VAMP5: variants seen among roughly 807,000 people sequenced by gnomAD.
VAMP5 encodes the protein vesicle-associated membrane protein 5.
VAMP5 carries 10 observed loss-of-function variants against 8.1 expected under a neutral mutation model. That is an observed-to-expected ratio of 1.23 (90% CI 0.76 to 2.09). The LOEUF (loss-of-function observed/expected upper bound fraction) is 2.09. Ranked by LOEUF, VAMP5 falls within the 30% of genes most tolerant of loss-of-function variation. VAMP5 has a pLI of 0.00. For synonymous variants in VAMP5, 62 were observed against 60.6 expected, an observed-to-expected ratio of 1.02 and a Z score of -0.11; for missense variants, 135 against 152.5, an observed-to-expected ratio of 0.89 and a Z score of 0.60.
Position 85,591,764 on chromosome 2 carries a change from G to T in VAMP5, c.43G>T (p.Glu15Ter). 1 of 1,614,152 alleles carries T rather than the reference G, an allele frequency of 6.2e-7. No homozygotes were observed. The highest frequency in any genetic ancestry group is 8.5e-7 in the Non-Finnish European group (1 of 1,180,018). ...GGAGCGGTGCCAGCAGCAGGCGAAC[G>T]AGGTGACGGAAATTATGCGTAACAA... is the stretch of plus-strand genomic sequence containing the variant. Reference protein sequence around the residue: ...ELERCQQQANEVTEIMRNNFG... With the variant: ...ELERCQQQAN Residue 15 changes from glutamate to a stop codon, truncating the protein, a stop_gained, in exon 2 of 3, where the codon GAG becomes TAG. Coordinates refer to ENST00000306384, the MANE Select transcript of VAMP5 (RefSeq NM_006634.3). LOFTEE classifies it high-confidence loss of function.
In VAMP5 at chr2:85,593,131, G is replaced by A. The variant is rs1672573597; in HGVS notation, c.325G>A (p.Gly109Ser). The A allele has an allele frequency of 9.9e-6, 16 of 1,614,232 alleles. No homozygotes were observed. The highest frequency in any genetic ancestry group is 1.3e-5 in the Non-Finnish European group (15 of 1,180,046). ...TAGTGCCCCACGGACCCAGGATGCAGGCATTGCCTCAGGGCCTGGGAACTG... is the reference window on the plus strand; with the variant it reads ...TAGTGCCCCACGGACCCAGGATGCAAGCATTGCCTCAGGGCCTGGGAACTG... ...SSSAPRTQDA[G>S]IASGPGN is the part of the protein sequence containing the mutation. Residue 109 changes from glycine (G) to serine (S), a missense_variant, in exon 3 of 3, where the codon GGC becomes AGC. Coordinates refer to ENST00000306384, the MANE Select transcript of VAMP5 (RefSeq NM_006634.3).
chr2:85,593,252 T>G lies in VAMP5; in HGVS notation c.*95T>G. 1 of 1,368,342 alleles carries G rather than the reference T, an allele frequency of 7.3e-7. No individual in the cohort carries two copies. The highest frequency in any genetic ancestry group is 1.0e-6 in the Non-Finnish European group (1 of 986,508). 84.8% of individuals were successfully genotyped at this position (1,368,342 alleles called of 1,614,324 possible). A position where few individuals can be genotyped will look rare whatever the true frequency, so the allele number is the denominator to read the frequency against. ...TTTGCTCTCCCTTGACCCACCCCAG[T>G]GAGTGCCAAAGGGCAGCCCCAACAT... is the stretch of plus-strand genomic sequence containing the variant. On this transcript the variant is annotated 3_prime_UTR_variant, in exon 3 of 3. Coordinates refer to ENST00000306384, the MANE Select transcript of VAMP5 (RefSeq NM_006634.3).
rs1672577128 is a variant in VAMP5, at chr2:85,593,274, A to C, written c.*117A>C. ...CAGTGAGTGCCAAAGGGCAGCCCCAACATGTGCACCCCTGCATTTCCTGTC... is the reference window on the plus strand; with the variant it reads ...CAGTGAGTGCCAAAGGGCAGCCCCACCATGTGCACCCCTGCATTTCCTGTC... On this transcript the variant is annotated 3_prime_UTR_variant, in exon 3 of 3. Transcript: ENST00000306384. The C allele has an allele frequency of 1.9e-6, 2 of 1,071,932 alleles. No homozygotes were observed. Among genetic ancestry groups the C allele is most frequent in the African/African-American group, 3.1e-5 (2 of 63,998 alleles). 66.4% of individuals were successfully genotyped at this position (1,071,932 alleles called of 1,614,324 possible). A position where few individuals can be genotyped will look rare whatever the true frequency, so the allele number is the denominator to read the frequency against.
intron 1 of VAMP5, among the ~76,000 whole-genome samples, chr2:85,584,783 C>T (rs1048037869): frequency 1.3e-5 from 2 of 152,240 alleles, no homozygotes; most frequent in African/African-American, 2.4e-5. Context: ...ACTTTGGAGT[C>T]GGACTCCGGG....
chr2:85,588,146 T>A (rs1395113986), intron 1 of VAMP5, among the ~76,000 whole-genome samples: 1 of 152,126 alleles, frequency 6.6e-6, no homozygotes, highest in East Asian at 1.9e-4. Flanking sequence ...GGCACCACTT[T>A]GCCTGGCTAA....
intron 1 of VAMP5, among the ~76,000 whole-genome samples, chr2:85,589,761 G>A (rs1174775663): frequency 2.0e-5 from 3 of 152,008 alleles, no homozygotes; most frequent in Non-Finnish European, 4.4e-5. Context: ...AGGTTCAAGC[G>A]ATTCTCCCAT....
At chr2:85,586,391 A>G (rs941865871) in intron 1 of VAMP5, among the ~76,000 whole-genome samples, 2 of 152,074 alleles carry the variant, frequency 1.3e-5, no homozygotes, top group Non-Finnish European at 1.5e-5. Flanking sequence ...CCTGGCAAAC[A>G]TGGTGAAATC....
intron 1 of VAMP5, among the ~76,000 whole-genome samples, chr2:85,589,376 G>C (rs972507969): frequency 6.6e-6 from 1 of 152,130 alleles, no homozygotes; most frequent in Non-Finnish European, 1.5e-5. Flanking sequence ...TCCCTGGAGC[G>C]AATGTGTTCT....
At position 85,593,127 on chromosome 2, in the gene VAMP5, T is replaced by C; in HGVS notation, c.321T>C (p.Asp107=). The C allele has an allele frequency of 6.2e-7, 1 of 1,614,188 alleles. No homozygotes were observed. The highest frequency in any genetic ancestry group is 2.2e-5 in the East Asian group (1 of 44,882). ...SDSSSAPRTQ[D]AGIASGPGN is the part of the protein sequence containing the mutation. ...GCAGTAGTGCCCCACGGACCCAGGA[T>C]GCAGGCATTGCCTCAGGGCCTGGGA... The change falls in exon 3 of 3, where the codon GAT becomes GAC. Residue 107 remains aspartate (D), a synonymous_variant. Transcript: ENST00000306384.
intron 1 of VAMP5, among the ~76,000 whole-genome samples, chr2:85,586,590 A>G (rs1672462386): frequency 6.6e-6 from 1 of 151,856 alleles, no homozygotes; most frequent in South Asian, 2.1e-4. Context: ...AAAACAAACA[A>G]ACAAACAAAC....
In VAMP5 at chr2:85,593,259, C is replaced by T. The variant is rs1358797342; in HGVS notation, c.*102C>T. On this transcript the variant is annotated 3_prime_UTR_variant, in exon 3 of 3. Coordinates refer to ENST00000306384, the MANE Select transcript of VAMP5 (RefSeq NM_006634.3). ...TCCCTTGACCCACCCCAGTGAGTGC[C>T]AAAGGGCAGCCCCAACATGTGCACC... The T allele has an allele frequency of 8.8e-6, 11 of 1,256,850 alleles. No individual in the cohort carries two copies. Among genetic ancestry groups the T allele is most frequent in the Non-Finnish European group, 1.2e-5 (11 of 890,134 alleles). The allele number at this position is 1,256,850 out of a possible 1,614,324, so 77.9% of individuals were successfully genotyped here. A position where few individuals can be genotyped will look rare whatever the true frequency, so the allele number is the denominator to read the frequency against.
intron 2 of VAMP5, among the ~76,000 whole-genome samples, chr2:85,592,568 C>T (rs541365600): frequency 2.2e-4 from 33 of 151,832 alleles, no homozygotes; most frequent in African/African-American, 6.8e-4. Flanking sequence ...TTTGGGAGGC[C>T]GAGGTGGGCA....
At chr2:85,588,581 G>T (rs1672495617) in intron 1 of VAMP5, among the ~76,000 whole-genome samples, 1 of 152,104 alleles carries the variant, frequency 6.6e-6, no homozygotes, top group Non-Finnish European at 1.5e-5. Context: ...CCACCCCTCT[G>T]GCTGGCCTCT....
At chr2:85,590,804 G>A (rs1026564219) in intron 1 of VAMP5, among the ~76,000 whole-genome samples, 1 of 152,098 alleles carries the variant, frequency 6.6e-6, no homozygotes, top group African/African-American at 2.4e-5. Flanking sequence ...CTTATACCAG[G>A]GCCTCCTGCC....
intron 1 of VAMP5, 137 bp from the exon 2 acceptor site, chr2:85,591,588 C>A: frequency 7.5e-7 from 1 of 1,339,372 alleles, no homozygotes; most frequent in Non-Finnish European, 1.0e-6. Flanking sequence ...CCGCACACAT[C>A]ATACCCTTAC....
At position 85,593,275 on chromosome 2, in the gene VAMP5, C is replaced by A; in HGVS notation, c.*118C>A. ...AGTGAGTGCCAAAGGGCAGCCCCAA[C>A]ATGTGCACCCCTGCATTTCCTGTCA... On this transcript the variant is annotated 3_prime_UTR_variant, in exon 3 of 3. Transcript: ENST00000306384. 2 of 1,061,632 alleles carry A rather than the reference C, an allele frequency of 1.9e-6. No individual in the cohort carries two copies. The highest frequency in any genetic ancestry group is 2.0e-5 in the Admixed American group (1 of 49,512). The allele number at this position is 1,061,632 out of a possible 1,614,324, so 65.8% of individuals were successfully genotyped here.
rs1463856791 is a variant in VAMP5 at position 85,591,713 on chromosome 2, C to T, written c.4-12C>T. ...GGCCTCATGCAGCCCTGACCTCGGG[C>T]TTGGTGTCCAGGCAGGAATAGAGTT... On this transcript the variant is annotated splice_polypyrimidine_tract_variant and intron_variant, in intron 1 of 2. Coordinates refer to ENST00000306384, the MANE Select transcript of VAMP5 (RefSeq NM_006634.3). 1.2e-6 allele frequency: 2 copies of T among 1,613,830 alleles called. No homozygotes were observed. The highest frequency in any genetic ancestry group is 2.7e-5 in the African/African-American group (2 of 74,856).
At chr2:85,592,756 G>A (rs950639223) in intron 2 of VAMP5, among the ~76,000 whole-genome samples, 192 bp from the exon 3 acceptor site, 2 of 145,568 alleles carry the variant, frequency 1.4e-5, no homozygotes, top group Non-Finnish European at 3.0e-5. Flanking sequence ...AGCTGAGATT[G>A]TGCCACTGTA....
At chr2:85,585,677 G>A (rs574132719) in intron 1 of VAMP5, among the ~76,000 whole-genome samples, 1 of 152,286 alleles carries the variant, frequency 6.6e-6, no homozygotes, top group South Asian at 2.1e-4. Context: ...TGGGGGAGGA[G>A]GATACTGGGA....
Sources: allele counts gnomAD v4.1 joint callset (sites outside exome capture counted in the v4.1 genomes callset), GRCh38; gene constraint gnomAD v4.1.1; transcripts MANE v1.5; gene names NCBI Gene and HGNC (gene_info 2026-07-23, HGNC 2026-07-21).